PIK3R5: variants seen among roughly 807,000 people sequenced by gnomAD.
The protein encoded by PIK3R5 is phosphoinositide 3-kinase regulatory subunit 5.
In PIK3R5, 32 loss-of-function variants were observed where a neutral mutation model predicts 94.9. The observed-to-expected ratio is 0.34, with a 90% CI of 0.25 to 0.45. The LOEUF (loss-of-function observed/expected upper bound fraction) is 0.45, where lower values mean the gene tolerates loss of function less well. Among genes scored for constraint, PIK3R5 ranks in the 20% least tolerant of loss-of-function variants. The pLI, the probability that PIK3R5 is intolerant of heterozygous loss-of-function variation, is 1.00. For missense variants in PIK3R5, 853 were observed against 1,144.6 expected (o/e 0.75, Z 3.68); for synonymous variants, 443 against 479.4 (o/e 0.92, Z 0.99).
chr17:8,952,089 T>G (rs1331969549), intron 1 of PIK3R5, among the ~76,000 whole-genome samples: 1 of 152,222 alleles, frequency 6.6e-6, no homozygotes, highest in African/African-American at 2.4e-5. Context: ...GAGAGCTACA[T>G]GTTGAAGAAG....
chr17:8,958,750 T>C (rs929521889), intron 1 of PIK3R5, among the ~76,000 whole-genome samples: 14 of 151,834 alleles, frequency 9.2e-5, no homozygotes, highest in South Asian at 2.1e-4. Context: ...ACCTTTTTTT[T>C]TCTCTCTCTC....
rs765925387 is a variant in PIK3R5 at position 8,904,503 on chromosome 17, G to A, written c.412+274C>T. Among the ~76,000 whole-genome samples, 7 of 152,150 alleles carry A rather than the reference G, an allele frequency of 4.6e-5. No homozygotes were observed. Among genetic ancestry groups the A allele is most frequent in the Non-Finnish European group, 8.8e-5 (6 of 68,024 alleles). ...TAACCAGATCAGAGGCACAGGCCAA[G>A]GTGGGGTCTCCTTGCCCTGAGTGCC... On this transcript the variant is annotated intron_variant, in intron 5 of 18. Coordinates refer to ENST00000447110, the MANE Select transcript of PIK3R5 (RefSeq NM_001142633.3). This position sits in a 1 kb window ranked among gnomAD's most constrained non-coding sequence, Gnocchi z 5.1.
rs995859759 is a variant in PIK3R5 at position 8,909,765 on chromosome 17, C to T, written c.104-591G>A. Among the ~76,000 whole-genome samples, 11 of 152,196 alleles carry T rather than the reference C, an allele frequency of 7.2e-5. No homozygotes were observed. The highest frequency in any genetic ancestry group is 1.7e-4 in the African/African-American group (7 of 41,452). On this transcript the variant is annotated intron_variant, in intron 2 of 18. Transcript: ENST00000447110. This position sits in a 1 kb window ranked among gnomAD's most constrained non-coding sequence, Gnocchi z 4.3. ...GAGGACAATGAGCTCACTATGACTCCGCTCCCTGTGGAAGCACCAGTTCTC... is the reference window on the plus strand; with the variant it reads ...GAGGACAATGAGCTCACTATGACTCTGCTCCCTGTGGAAGCACCAGTTCTC...
At position 8,882,231 on chromosome 17, in the gene PIK3R5, C is replaced by T. The variant is rs2089687547; in HGVS notation, c.2206-350G>A. On this transcript the variant is annotated intron_variant, in intron 15 of 18. Coordinates refer to ENST00000447110, the MANE Select transcript of PIK3R5 (RefSeq NM_001142633.3). The surrounding 1 kb of genome is among the most constrained non-coding windows in gnomAD (Gnocchi z 4.1). Reference sequence around the variant, plus strand: ...TTCTGGCAGAGCCAGACCTGAACCCCCTCTTCAAGTCTTTGTGTGAATGTC... The same window carrying T: ...TTCTGGCAGAGCCAGACCTGAACCCTCTCTTCAAGTCTTTGTGTGAATGTC... The T allele has an allele frequency of 3.5e-6, 1 of 285,712 alleles. No individual in the cohort carries two copies. The highest frequency in any genetic ancestry group is 2.1e-5 in the African/African-American group (1 of 46,952). The allele number at this position is 285,712 out of a possible 1,614,324, so 17.7% of individuals were successfully genotyped here.
chr17:8,911,684 C>T lies in PIK3R5; in HGVS notation c.-13-177G>A. On this transcript the variant is annotated intron_variant, in intron 1 of 18. Transcript: ENST00000447110. The surrounding 1 kb of genome is among the most constrained non-coding windows in gnomAD (Gnocchi z 5.3). ...GCTGCCTCCAGGGTAGGAATGGCATCTGGAGGGCCACATCTGAGTGGCAGG... is the reference window on the plus strand; with the variant it reads ...GCTGCCTCCAGGGTAGGAATGGCATTTGGAGGGCCACATCTGAGTGGCAGG... 1 of 566,732 alleles carries T rather than the reference C, an allele frequency of 1.8e-6. No individual in the cohort carries two copies. The highest frequency in any genetic ancestry group is 3.0e-5 in the East Asian group (1 of 33,590). The allele number at this position is 566,732 out of a possible 1,614,324, so 35.1% of individuals were successfully genotyped here.
intron 1 of PIK3R5, among the ~76,000 whole-genome samples, chr17:8,961,363 G>A (rs116354671): frequency 5.9e-4 from 90 of 152,134 alleles, no homozygotes; most frequent in African/African-American, 2.1e-3. Context: ...GGCCGGGCGC[G>A]GTTGCTCACA....
At chr17:8,944,695 G>T (rs915909255) in intron 1 of PIK3R5, among the ~76,000 whole-genome samples, 1 of 152,142 alleles carries the variant, frequency 6.6e-6, no homozygotes, top group African/African-American at 2.4e-5. Context: ...AGGCTTCAAA[G>T]GCACCTGGCT....
At chr17:8,958,218 G>A (rs2091495710) in intron 1 of PIK3R5, among the ~76,000 whole-genome samples, 1 of 150,846 alleles carries the variant, frequency 6.6e-6, no homozygotes, top group Non-Finnish European at 1.5e-5. Flanking sequence ...GCTGAGGCAT[G>A]AGAATTGTTT....
At position 8,888,933 on chromosome 17, in the gene PIK3R5, C is replaced by T. The variant is rs763052855; in HGVS notation, c.896-42G>A. The T allele has an allele frequency of 1.3e-6, 2 of 1,561,076 alleles. No homozygotes were observed. The highest frequency in any genetic ancestry group is 2.4e-5 in the South Asian group (2 of 84,346). ...CCAGCACTGTCTGGGCGTCTGGGCC[C>T]CGGATCCCCTTCTATATTCCCTTTG... On this transcript the variant is annotated intron_variant, in intron 9 of 18. Coordinates refer to ENST00000447110, the MANE Select transcript of PIK3R5 (RefSeq NM_001142633.3). This position sits in a 1 kb window ranked among gnomAD's most constrained non-coding sequence, Gnocchi z 7.8.
chr17:8,929,685 T>C (rs962903256), intron 1 of PIK3R5, among the ~76,000 whole-genome samples: 1 of 152,198 alleles, frequency 6.6e-6, no homozygotes, highest in African/African-American at 2.4e-5. Flanking sequence ...TGGAGGCCAT[T>C]ATCTCAAGGA....
chr17:8,887,050 T>G, intron 12 of PIK3R5, 46 bp downstream of exon 12: 1 of 1,608,520 alleles, frequency 6.2e-7, no homozygotes. Context: ...TGAGGCTGGG[T>G]GACTGCAGCC....
chr17:8,944,717 A>C (rs1036624643), intron 1 of PIK3R5, among the ~76,000 whole-genome samples: 3 of 152,210 alleles, frequency 2.0e-5, no homozygotes, highest in Admixed American at 1.3e-4. Flanking sequence ...GGGCAGGAAC[A>C]CGGGTGATCC....
rs546096295 is a variant in PIK3R5 at position 8,892,374 on chromosome 17, C to T, written c.482+1212G>A. Among the ~76,000 whole-genome samples the T allele has an allele frequency of 2.6e-5, 4 of 152,320 alleles. No individual in the cohort carries two copies. Among genetic ancestry groups the T allele is most frequent in the Admixed American group, 2.6e-4 (4 of 15,302 alleles). ...CTGCCCTCACCAGCTTGCATAATTT[C>T]TCTCCCGAAGAATTTATCATCATTC... is the stretch of plus-strand genomic sequence containing the variant. On this transcript the variant is annotated intron_variant, in intron 6 of 18. Coordinates refer to ENST00000447110, the MANE Select transcript of PIK3R5 (RefSeq NM_001142633.3). This position sits in a 1 kb window ranked among gnomAD's most constrained non-coding sequence, Gnocchi z 4.3.
chr17:8,896,915 C>G lies in PIK3R5; in HGVS notation c.413-3260G>C, dbSNP rs1030871376. ...CCCGGCCCCAACGGCATTGCAATCTCCAAATGAGACTAGATCAGGTTTGGT... is the reference window on the plus strand; with the variant it reads ...CCCGGCCCCAACGGCATTGCAATCTGCAAATGAGACTAGATCAGGTTTGGT... On this transcript the variant is annotated intron_variant, in intron 5 of 18. Coordinates refer to ENST00000447110, the MANE Select transcript of PIK3R5 (RefSeq NM_001142633.3). This position sits in a 1 kb window ranked among gnomAD's most constrained non-coding sequence, Gnocchi z 4.0. Among the ~76,000 whole-genome samples the G allele has an allele frequency of 6.6e-6, 1 of 152,172 alleles. No individual in the cohort carries two copies. The highest frequency in any genetic ancestry group is 1.5e-5 in the Non-Finnish European group (1 of 68,032).
Position 8,905,706 on chromosome 17 carries a change from G to A in PIK3R5, c.236C>T (p.Thr79Ile). 6.2e-7 allele frequency: 1 copy of A among 1,607,192 alleles called. No homozygotes were observed. Among genetic ancestry groups the A allele is most frequent in the Non-Finnish European group, 8.5e-7 (1 of 1,176,974 alleles). ...VQEKGTYDLL[T>I]PLALLFYSTV... The stretch of plus-strand genomic sequence containing the variant: ...GGAATAGAAGAGCAGGGCCAGCGGG[G>A]TGAGCAGGTCGTAGGTGCCCTTCTC... Residue 79 changes from threonine to isoleucine, a missense_variant, in exon 4 of 19, where the codon ACC becomes ATC. Around this residue, in one of 6 missense-constraint regions of PIK3R5, gnomAD observed 108 missense variants for 170.1 expected, o/e 0.63. Coordinates refer to ENST00000447110, the MANE Select transcript of PIK3R5 (RefSeq NM_001142633.3).
chr17:8,952,966 T>G (rs2091402618), intron 1 of PIK3R5, among the ~76,000 whole-genome samples: 2 of 152,134 alleles, frequency 1.3e-5, no homozygotes, highest in Non-Finnish European at 2.9e-5. Flanking sequence ...ACAGGAGCCT[T>G]GATGGGAACC....
At position 8,903,536 on chromosome 17, in the gene PIK3R5, T is replaced by C. The variant is rs566491187; in HGVS notation, c.412+1241A>G. Among the ~76,000 whole-genome samples the C allele has an allele frequency of 3.3e-5, 5 of 150,940 alleles. 1 individual carries two copies. The South Asian group carries it at 1.0e-3, about 31-fold the overall frequency. On this transcript the variant is annotated intron_variant, in intron 5 of 18. Coordinates refer to ENST00000447110, the MANE Select transcript of PIK3R5 (RefSeq NM_001142633.3). ...TATGTTTTTTAGTTTACATATATTTTATAAATTTTAAAAATATCTTGGTAT... is the reference window on the plus strand; with the variant it reads ...TATGTTTTTTAGTTTACATATATTTCATAAATTTTAAAAATATCTTGGTAT...
At chr17:8,902,923 T>G (rs2090320119) in intron 5 of PIK3R5, among the ~76,000 whole-genome samples, 1 of 150,980 alleles carries the variant, frequency 6.6e-6, no homozygotes, top group Admixed American at 6.6e-5. Context: ...CGGAGGCACT[T>G]GAACCTCCAC....
chr17:8,889,941 G>A lies in PIK3R5; in HGVS notation c.811+32C>T, dbSNP rs760719310. On this transcript the variant is annotated intron_variant, in intron 8 of 18. Transcript: ENST00000447110. This position sits in a 1 kb window ranked among gnomAD's most constrained non-coding sequence, Gnocchi z 4.1. ...GGACCTAGAATAGGCCATGGGGAAT[G>A]TGGGAGAACCCCATTCTCCCAAGAG... 4 of 1,610,040 alleles carry A rather than the reference G, an allele frequency of 2.5e-6. No homozygotes were observed. Among genetic ancestry groups the A allele is most frequent in the Non-Finnish European group, 3.4e-6 (4 of 1,177,242 alleles).
Sources: gnomAD v4.1 joint callset for allele counts (sites outside exome capture counted in the v4.1 genomes callset) on GRCh38, gnomAD v4.1.1 for gene constraint, gnomAD v4.1.1 regional missense constraint, Gnocchi (gnomAD v3.1) non-coding constraint, MANE v1.5 for transcripts, NCBI Gene and HGNC (gene_info 2026-07-23, HGNC 2026-07-21) for gene names.